Variants in PDE4D observed in about 807,000 individuals in gnomAD.
PDE4D encodes phosphodiesterase 4D.
A neutral mutation model predicts 87.4 loss-of-function variants in PDE4D; 24 were observed. The observed-to-expected ratio is 0.27, with a 90% CI of 0.20 to 0.39. PDE4D has a LOEUF of 0.39. Ranked by LOEUF, PDE4D falls within the 10% of genes least tolerant of loss-of-function variation. The probability of loss-of-function intolerance (pLI) is 1.00; values close to 1 mark genes in which losing one functional copy is unlikely to be tolerated. For missense variants in PDE4D, 714 were observed against 1,041.0 expected (o/e 0.69, Z 4.32); for synonymous variants, 384 against 383.2 (o/e 1.00, Z -0.02).
intron 5 of PDE4D, 49 bp from the exon 6 acceptor site, chr5:59,039,020 G>A: frequency 1.9e-6 from 3 of 1,540,630 alleles, no homozygotes; most frequent in East Asian, 4.9e-5. Context: ...CGCTTCACGG[G>A]TCCGCTAGCG....
At chr5:59,163,608 C>T (rs1175951201) in intron 5 of PDE4D, among the ~76,000 whole-genome samples, 1 of 152,146 alleles carries the variant, frequency 6.6e-6, no homozygotes, top group Non-Finnish European at 1.5e-5. Context: ...CTGTTGGATA[C>T]CTCTACTTTT....
chr5:59,410,944 G>C (rs1028165942), intron 1 of PDE4D, among the ~76,000 whole-genome samples: 13 of 152,146 alleles, frequency 8.5e-5, no homozygotes, highest in Non-Finnish European at 1.9e-4. Context: ...CTATTCAGTT[G>C]ATAGACTTTC....
At chr5:59,872,915 T>C (rs1358607189) in intron 1 of PDE4D, among the ~76,000 whole-genome samples, 1 of 152,144 alleles carries the variant, frequency 6.6e-6, no homozygotes, top group Non-Finnish European at 1.5e-5. Context: ...ATGCCACCTC[T>C]ATTTTCACCC....
chr5:59,251,882 A>G (rs1166392566), intron 1 of PDE4D, among the ~76,000 whole-genome samples: 1 of 152,094 alleles, frequency 6.6e-6, no homozygotes, highest in Non-Finnish European at 1.5e-5. Flanking sequence ...TAACATGGAT[A>G]GACCTGGAGG....
chr5:59,468,767 C>T (rs1316344855), intron 1 of PDE4D, among the ~76,000 whole-genome samples: 1 of 152,204 alleles, frequency 6.6e-6, no homozygotes, highest in African/African-American at 2.4e-5. Context: ...TAACTGCCTA[C>T]AATAATGGCT....
At chr5:59,463,942 T>C (rs1435427544) in intron 1 of PDE4D, among the ~76,000 whole-genome samples, 1 of 152,206 alleles carries the variant, frequency 6.6e-6, no homozygotes, top group African/African-American at 2.4e-5. Context: ...CTCTGAAATA[T>C]GTGCTGTGTC....
At chr5:59,770,723 CA>C (rs143198266) in intron 1 of PDE4D, among the ~76,000 whole-genome samples, 6 of 150,672 alleles carry the variant, frequency 4.0e-5, no homozygotes, top group South Asian at 2.1e-4. Context: ...ACTGAAATGG[CA>C]AAAAAAAATA....
chr5:60,143,476 A>C (rs1227062997), intron 2 of PDE4D, among the ~76,000 whole-genome samples: 1 of 152,156 alleles, frequency 6.6e-6, no homozygotes, highest in African/African-American at 2.4e-5. Flanking sequence ...ATTCATCTTC[A>C]AGACATTTGG....
Position 59,388,443 on chromosome 5 carries a change from G to C in PDE4D, c.456-172475C>G, listed in dbSNP as rs116305488. ...AAAACAGCATCGAGGTTCTTTAAAA[G>C]CTAAAAATAGTACTACCATATTATC... On this transcript the variant is annotated intron_variant, in intron 1 of 14. Transcript: ENST00000340635. 2.0e-3 allele frequency among the ~76,000 whole-genome samples: 306 copies of C among 152,104 alleles called. 2 individuals carry two copies. The highest frequency in any genetic ancestry group is 7.0e-3 in the African/African-American group (292 of 41,524).
At chr5:60,033,737 C>T (rs1767489681) in intron 2 of PDE4D, among the ~76,000 whole-genome samples, 1 of 152,174 alleles carries the variant, frequency 6.6e-6, no homozygotes. Context: ...AACATTTTCA[C>T]ACCATCTGGA....
At chr5:59,999,754 T>G (rs748362132) in intron 2 of PDE4D, among the ~76,000 whole-genome samples, 1 of 151,374 alleles carries the variant, frequency 6.6e-6, no homozygotes, top group Non-Finnish European at 1.5e-5. Context: ...CAGAAAGAAA[T>G]AAAAATTTAT....
At chr5:60,327,662 T>C (rs1047968412) in intron 1 of PDE4D, among the ~76,000 whole-genome samples, 22 of 152,146 alleles carry the variant, frequency 1.4e-4, no homozygotes, top group African/African-American at 5.1e-4. Flanking sequence ...TCTACAAAAA[T>C]GTTTCTACCA....
intron 1 of PDE4D, among the ~76,000 whole-genome samples, chr5:59,517,738 G>A (rs1811431111): frequency 6.6e-6 from 1 of 152,144 alleles, no homozygotes; most frequent in South Asian, 2.1e-4. Context: ...AGCAGTGCCT[G>A]GTTCATAGCA....
intron 8 of PDE4D, 74 bp downstream of exon 8, chr5:58,991,758 A>T: frequency 1.0e-6 from 1 of 992,480 alleles, no homozygotes; most frequent in Non-Finnish European, 1.4e-6. Context: ...CTATCCATTT[A>T]AAAGACTAGA....
chr5:60,068,946 G>A (rs896902062), intron 2 of PDE4D, among the ~76,000 whole-genome samples: 1 of 152,174 alleles, frequency 6.6e-6, no homozygotes, highest in African/African-American at 2.4e-5. Flanking sequence ...CAAGACCAAT[G>A]TCATGAAGGT....
chr5:59,916,954 ATTTTTTTTT>A (rs750105496), intron 3 of PDE4D, among the ~76,000 whole-genome samples: 1 of 73,616 alleles, frequency 1.4e-5, no homozygotes, highest in East Asian at 3.3e-4. Flanking sequence ...TGCCCGGCTA[ATTTTTTTTT>A]TTTTTTTTTT....
chr5:60,192,853 A>T (rs1337952806), intron 1 of PDE4D, among the ~76,000 whole-genome samples: 1 of 152,244 alleles, frequency 6.6e-6, no homozygotes, highest in East Asian at 1.9e-4. Context: ...AAAGTATTTG[A>T]GTGAATACAA....
At chr5:60,486,614 A>C (rs1482641784) in intron 1 of PDE4D, among the ~76,000 whole-genome samples, 8 of 152,208 alleles carry the variant, frequency 5.3e-5, no homozygotes, top group Non-Finnish European at 1.2e-4. Flanking sequence ...AAACACAACT[A>C]ATATTTCTCT....
chr5:59,418,650 T>A (rs905082445), intron 1 of PDE4D, among the ~76,000 whole-genome samples: 4 of 150,180 alleles, frequency 2.7e-5, no homozygotes, highest in African/African-American at 1.0e-4. Flanking sequence ...ACCTAACAAT[T>A]TTTTTTTTGT....
Sources: gnomAD v4.1 joint callset for allele counts (sites outside exome capture counted in the v4.1 genomes callset) on GRCh38, gnomAD v4.1.1 for gene constraint, MANE v1.5 for transcripts, NCBI Gene and HGNC (gene_info 2026-07-23, HGNC 2026-07-21) for gene names.